EYA2: variants seen among roughly 807,000 people sequenced by gnomAD.
EYA2 encodes the protein EYA transcriptional coactivator and phosphatase 2, also known as protein phosphatase EYA2.
EYA2 carries 31 observed loss-of-function variants against 69.2 expected under a neutral mutation model. The ratio of observed to expected loss-of-function variants is 0.45; its 90% CI spans 0.34 to 0.60. The LOEUF (loss-of-function observed/expected upper bound fraction) is 0.60. EYA2 is among the 20% of genes least tolerant of loss of function. EYA2 has a pLI of 0.02. For synonymous variants in EYA2, 257 were observed against 279.4 expected, an observed-to-expected ratio of 0.92 and a Z score of 0.80; for missense variants, 622 against 701.2, an observed-to-expected ratio of 0.89 and a Z score of 1.28.
At chr20:47,179,483 G>A (rs2034493932) in intron 12 of EYA2, among the ~76,000 whole-genome samples, 1 of 150,212 alleles carries the variant, frequency 6.7e-6, no homozygotes, top group South Asian at 2.2e-4. Flanking sequence ...GGATGGATGG[G>A]TGGATGGATG....
chr20:47,181,245 A>G lies in EYA2; in HGVS notation c.1435+309A>G, dbSNP rs2034532190. On this transcript the variant is annotated intron_variant, in intron 14 of 15. Coordinates refer to ENST00000327619, the MANE Select transcript of EYA2 (RefSeq NM_005244.5). The stretch of plus-strand genomic sequence containing the variant: ...GTCAAAGCTGATTTCTCCCTAGTAG[A>G]ACAGACAGAGGTGAGTGATCCAGGC... Among the ~76,000 whole-genome samples, 4 of 152,190 alleles carry G rather than the reference A, an allele frequency of 2.6e-5. No individual in the cohort carries two copies. In the South Asian group the frequency reaches 8.3e-4, roughly 31 times the overall value.
At chr20:47,045,608 T>A (rs947019) in intron 5 of EYA2, among the ~76,000 whole-genome samples, 9 of 152,208 alleles carry the variant, frequency 5.9e-5, no homozygotes, top group African/African-American at 1.9e-4. Context: ...ATTTGTTACC[T>A]TGAAGACGTT....
At chr20:46,986,461 T>C (rs1483996732) in intron 1 of EYA2, among the ~76,000 whole-genome samples, 3 of 148,238 alleles carry the variant, frequency 2.0e-5, no homozygotes, top group African/African-American at 7.4e-5. Flanking sequence ...TATATATACA[T>C]TAGATATATA....
intron 1 of EYA2, among the ~76,000 whole-genome samples, chr20:46,947,457 A>C (rs1385859483): frequency 6.6e-6 from 1 of 152,226 alleles, no homozygotes; most frequent in South Asian, 2.1e-4. Flanking sequence ...TACAGAAATG[A>C]AAGTTTTAAG....
At chr20:47,113,032 C>T (rs1025777518) in intron 9 of EYA2, among the ~76,000 whole-genome samples, 7 of 151,644 alleles carry the variant, frequency 4.6e-5, no homozygotes, top group South Asian at 2.1e-4. Context: ...CCACCACGCC[C>T]GGCTAATTTT....
At chr20:47,061,336 C>T (rs927247649) in intron 5 of EYA2, among the ~76,000 whole-genome samples, 2 of 152,116 alleles carry the variant, frequency 1.3e-5, no homozygotes, top group East Asian at 1.9e-4. Flanking sequence ...ACACCAGCCT[C>T]GGCAATATAG....
intron 1 of EYA2, among the ~76,000 whole-genome samples, chr20:46,976,663 G>A (rs1980484415): frequency 6.6e-6 from 1 of 152,164 alleles, no homozygotes; most frequent in Non-Finnish European, 1.5e-5. Context: ...GGGATTACAG[G>A]CGTGAGCCAC....
chr20:47,053,347 G>A (rs147908156), intron 5 of EYA2, among the ~76,000 whole-genome samples: 1 of 152,276 alleles, frequency 6.6e-6, no homozygotes, highest in East Asian at 1.9e-4. Context: ...TGTGCTGAAG[G>A]TGTATCTCTA....
At chr20:47,172,655 A>G in intron 11 of EYA2, 52 bp from the exon 12 acceptor site, 1 of 1,532,294 alleles carries the variant, frequency 6.5e-7, no homozygotes, top group Non-Finnish European at 8.8e-7. Flanking sequence ...CCCAGGGAAG[A>G]TGCCCTGCAC....
At chr20:46,939,132 G>A (rs1424268735) in intron 1 of EYA2, among the ~76,000 whole-genome samples, 2 of 152,174 alleles carry the variant, frequency 1.3e-5, no homozygotes, top group Non-Finnish European at 1.5e-5. Flanking sequence ...TAGGCTTATG[G>A]CTCAGATCCA....
Position 47,188,649 on chromosome 20 carries a change from A to G in EYA2, c.*516A>G, listed in dbSNP as rs1050136685. 9.2e-5 allele frequency: 30 copies of G among 326,872 alleles called. No homozygotes were observed. Among genetic ancestry groups the G allele is most frequent in the Admixed American group, 1.8e-4 (4 of 22,812 alleles). The allele number at this position is 326,872 out of a possible 1,614,324, so 20.2% of individuals were successfully genotyped here. On this transcript the variant is annotated 3_prime_UTR_variant, in exon 16 of 16. Transcript: ENST00000327619. ...TTGTGGGGACAATCATTCTTTGAAC[A>G]TTAGAGAGGAAGGCAGTTCAAGCTG...
At chr20:47,058,172 C>T (rs1002840363) in intron 5 of EYA2, among the ~76,000 whole-genome samples, 3 of 152,142 alleles carry the variant, frequency 2.0e-5, no homozygotes, top group African/African-American at 7.2e-5. Flanking sequence ...GGAGGAAATC[C>T]AGAAGACAAC....
chr20:47,019,637 A>T (rs1983625379), intron 5 of EYA2, among the ~76,000 whole-genome samples: 1 of 152,118 alleles, frequency 6.6e-6, no homozygotes, highest in Non-Finnish European at 1.5e-5. Context: ...TGATTTTGTG[A>T]AATTGGCCCA....
intron 1 of EYA2, among the ~76,000 whole-genome samples, chr20:46,988,689 C>G (rs557366706): frequency 6.6e-6 from 1 of 152,128 alleles, no homozygotes; most frequent in Non-Finnish European, 1.5e-5. Flanking sequence ...TTTCTAAACC[C>G]AGTGGGTGGG....
chr20:47,013,805 C>T (rs888605945), intron 4 of EYA2, among the ~76,000 whole-genome samples: 6 of 152,154 alleles, frequency 3.9e-5, no homozygotes, highest in African/African-American at 1.2e-4. Context: ...GCAACGTTAA[C>T]GACTCCTAGT....
At chr20:47,096,969 CTAAAGA>C (rs2032264551) in intron 8 of EYA2, 110 bp from the exon 9 acceptor site, 1 of 767,836 alleles carries the variant, frequency 1.3e-6, no homozygotes, top group Non-Finnish European at 2.2e-6. Flanking sequence ...TGTTTTGTAA[CTAAAGA>C]TAATGTTTTT....
intron 9 of EYA2, among the ~76,000 whole-genome samples, chr20:47,111,975 AT>A (rs200022742): frequency 2.0e-5 from 3 of 151,338 alleles, no homozygotes; most frequent in South Asian, 2.1e-4. Flanking sequence ...ACAAAAAAAA[AT>A]TTTTTTTTCA....
At chr20:47,042,112 A>G in intron 5 of EYA2, among the ~76,000 whole-genome samples, 1 of 152,216 alleles carries the variant, frequency 6.6e-6, no homozygotes, top group East Asian at 1.9e-4. Context: ...ACCCAGGAAT[A>G]ATTAATACTA....
intron 7 of EYA2, among the ~76,000 whole-genome samples, chr20:47,075,626 T>A (rs2031487476): frequency 6.6e-6 from 1 of 151,950 alleles, no homozygotes; most frequent in South Asian, 2.1e-4. Context: ...CTAAGAGGGG[T>A]TCAAGTATAG....
Sources: gnomAD v4.1 joint callset for allele counts (sites outside exome capture counted in the v4.1 genomes callset) on GRCh38, gnomAD v4.1.1 for gene constraint, MANE v1.5 for transcripts, NCBI Gene and HGNC (gene_info 2026-07-23, HGNC 2026-07-21) for gene names.